The following ANKRD44 variants were observed in gnomAD, a reference collection of about 807,000 sequenced individuals.
The protein encoded by ANKRD44 is ankyrin repeat domain 44.
A neutral mutation model predicts 116.0 loss-of-function variants in ANKRD44; 35 were observed. That is an observed-to-expected ratio of 0.30 (90% CI 0.23 to 0.40). The LOEUF (loss-of-function observed/expected upper bound fraction) is 0.40, where lower values mean the gene tolerates loss of function less well. Ranked by LOEUF, ANKRD44 falls within the 10% of genes least tolerant of loss-of-function variation. The pLI is 1.00. For missense variants in ANKRD44, 1,014 were observed against 1,242.6 expected (o/e 0.82, Z 2.77); for synonymous variants, 435 against 461.8 (o/e 0.94, Z 0.74).
At chr2:197,119,636 AT>A (rs1268548486) in intron 8 of ANKRD44, among the ~76,000 whole-genome samples, 2 of 152,316 alleles carry the variant, frequency 1.3e-5, no homozygotes, top group African/African-American at 2.4e-5. Flanking sequence ...TTGTGAAAAA[AT>A]ATAAGATTTT....
chr2:197,021,571 T>A (rs928524481), intron 17 of ANKRD44, among the ~76,000 whole-genome samples: 15 of 152,258 alleles, frequency 9.9e-5, no homozygotes, highest in Non-Finnish European at 2.1e-4. Flanking sequence ...GCATTTTTCA[T>A]GTGTCTATTG....
chr2:197,081,091 C>T (rs2077783789), intron 15 of ANKRD44, among the ~76,000 whole-genome samples: 1 of 152,168 alleles, frequency 6.6e-6, no homozygotes, highest in South Asian at 2.1e-4. Flanking sequence ...CCCACCCCTG[C>T]CACAGCAAAG....
rs1303041734 is a variant in ANKRD44, at chr2:197,273,974, AAAAAAAATATATATATATAT to A, written c.27+36584_27+36603del. 2.4e-4 allele frequency among the ~76,000 whole-genome samples: 8 copies of A among 33,654 alleles called. 2 individuals are homozygous for A. Among genetic ancestry groups the A allele is most frequent in the Non-Finnish European group, 5.2e-4 (8 of 15,348 alleles). 22.1% of individuals were successfully genotyped at this position (33,654 alleles called of 152,430 possible). A position where few individuals can be genotyped will look rare whatever the true frequency, so the allele number is the denominator to read the frequency against. Reference sequence around the variant, plus strand: ...TCAACCAACCACAAAAAAAAAAAAAAAAAAAAATATATATATATATATATATATATATATATATATATATA... The same window carrying A: ...TCAACCAACCACAAAAAAAAAAAAAAATATATATATATATATATATATATA... On this transcript the variant is annotated intron_variant, in intron 1 of 27. Transcript: ENST00000282272.
At chr2:197,001,462 T>C (rs1404130626) in intron 22 of ANKRD44, among the ~76,000 whole-genome samples, 1 of 152,254 alleles carries the variant, frequency 6.6e-6, no homozygotes, top group Non-Finnish European at 1.5e-5. Context: ...GGCAGACAAA[T>C]GTGAGTTATA....
intron 1 of ANKRD44, among the ~76,000 whole-genome samples, chr2:197,196,791 G>C (rs551902072): frequency 2.6e-5 from 4 of 152,226 alleles, no homozygotes; most frequent in South Asian, 2.1e-4. Flanking sequence ...TCTTTCCAAA[G>C]CCCATGACAA....
rs148320804 is a variant in ANKRD44 at position 196,976,101 on chromosome 2, G to A, written c.2369-8655C>T. On this transcript the variant is annotated intron_variant, in intron 21 of 21. Coordinates refer to the ANKRD44 transcript ENST00000424317. ...GAAAAAATTTCTTCAAACTGATCAG[G>A]GACATTTGTGAAAAACCCATGGTAA... Among the ~76,000 whole-genome samples, 510 of 151,834 alleles carry A rather than the reference G, an allele frequency of 3.4e-3. 2 individuals are homozygous for A. The highest frequency in any genetic ancestry group is 0.011 in the African/African-American group (475 of 41,392).
At chr2:197,296,794 T>C (rs1204279352) in intron 1 of ANKRD44, among the ~76,000 whole-genome samples, 1 of 152,216 alleles carries the variant, frequency 6.6e-6, no homozygotes, top group African/African-American at 2.4e-5. Flanking sequence ...CATTCTATAG[T>C]TTTAAAAGGG....
At chr2:197,087,357 A>T (rs1396715765) in intron 12 of ANKRD44, among the ~76,000 whole-genome samples, 1 of 152,220 alleles carries the variant, frequency 6.6e-6, no homozygotes, top group Non-Finnish European at 1.5e-5. Flanking sequence ...GCAATAAATC[A>T]TATTTAGTAG....
chr2:197,186,444 C>A (rs981096446), intron 2 of ANKRD44, among the ~76,000 whole-genome samples: 2 of 151,746 alleles, frequency 1.3e-5, no homozygotes, highest in African/African-American at 4.8e-5. Flanking sequence ...ACTCTTAGAT[C>A]TTCTGCTGTA....
chr2:197,243,383 CA>C (rs111433595), intron 1 of ANKRD44, among the ~76,000 whole-genome samples: 210 of 142,330 alleles, frequency 1.5e-3, no homozygotes, highest in African/African-American at 1.7e-3. Context: ...AGCTTTAGGA[CA>C]AAAAAAAAAA....
chr2:197,254,765 C>CAT (rs58681709), intron 1 of ANKRD44, among the ~76,000 whole-genome samples: 3 of 151,594 alleles, frequency 2.0e-5, no homozygotes, highest in East Asian at 1.9e-4. Context: ...CACACACACA[C>CAT]ATATATATAT....
chr2:197,191,574 A>G (rs192942265), intron 1 of ANKRD44, among the ~76,000 whole-genome samples: 2 of 152,308 alleles, frequency 1.3e-5, no homozygotes, highest in Admixed American at 6.5e-5. Flanking sequence ...TAAAATGCTA[A>G]ATCAAATATG....
chr2:196,967,573 A>G (rs979154618), intron 21 of ANKRD44: 1 of 373,176 alleles, frequency 2.7e-6, no homozygotes, highest in Non-Finnish European at 5.5e-6. Context: ...GGGAATGCTC[A>G]AGTAAGGAAA....
Position 197,000,556 on chromosome 2 carries a change from C to T in ANKRD44, c.2436-54G>A. 4 of 1,364,474 alleles carry T rather than the reference C, an allele frequency of 2.9e-6. No individual in the cohort carries two copies. The South Asian group carries it at 4.7e-5, about 16-fold the overall frequency. 84.5% of individuals were successfully genotyped at this position (1,364,474 alleles called of 1,614,324 possible). A position where few individuals can be genotyped will look rare whatever the true frequency, so the allele number is the denominator to read the frequency against. ...AATCTCACTCTTTTAAATTATATCA[C>T]CTCCTAACCCATCTTCCTATGTACT... On this transcript the variant is annotated intron_variant, in intron 22 of 27. Coordinates refer to ENST00000282272, the MANE Select transcript of ANKRD44 (RefSeq NM_001195144.2).
rs879398505 is a variant in ANKRD44, at chr2:197,047,912, G to GA, written c.1651-22646dup. Reference sequence around the variant, plus strand: ...GCAACACAGTGAGACTCCGCAAAAAGAAAAAAAAAAAAAAGTGTTGGTGGA... The same window carrying GA: ...GCAACACAGTGAGACTCCGCAAAAAGAAAAAAAAAAAAAAAGTGTTGGTGGA... On this transcript the variant is annotated intron_variant, in intron 16 of 27. Transcript: ENST00000282272. Among the ~76,000 whole-genome samples, 134 of 122,822 alleles carry GA rather than the reference G, an allele frequency of 1.1e-3. 1 individual carries two copies. The highest frequency in any genetic ancestry group is 6.5e-3 in the East Asian group (27 of 4,180). 80.6% of individuals were successfully genotyped at this position (122,822 alleles called of 152,430 possible).
chr2:197,242,185 T>G (rs2082104397), intron 1 of ANKRD44, among the ~76,000 whole-genome samples: 1 of 152,194 alleles, frequency 6.6e-6, no homozygotes, highest in Admixed American at 6.5e-5. Flanking sequence ...GACTAGTTTA[T>G]TTTAGTAGCT....
chr2:197,039,512 C>A (rs1243121738), intron 16 of ANKRD44, among the ~76,000 whole-genome samples: 2 of 152,186 alleles, frequency 1.3e-5, no homozygotes, highest in African/African-American at 4.8e-5. Flanking sequence ...TAGACCATAC[C>A]TATTTAACTT....
chr2:197,032,538 G>A (rs2076727432), intron 16 of ANKRD44, among the ~76,000 whole-genome samples: 2 of 151,918 alleles, frequency 1.3e-5, no homozygotes, highest in Admixed American at 1.3e-4. Context: ...ACAGGCACCC[G>A]CCACCACGCC....
rs529089522 is a variant in ANKRD44, at chr2:197,095,193, A to AT, written c.1100+4622dup. On this transcript the variant is annotated intron_variant, in intron 10 of 27. Coordinates refer to ENST00000282272, the MANE Select transcript of ANKRD44 (RefSeq NM_001195144.2). The stretch of plus-strand genomic sequence containing the variant: ...AATCTAAAACAACTGGCATAAAAGC[A>AT]TTTTTTTTGACTCATCGGAGTGGCC... Among the ~76,000 whole-genome samples the AT allele has an allele frequency of 1.4e-3, 209 of 152,122 alleles. 1 individual carries two copies. Among genetic ancestry groups the AT allele is most frequent in the Non-Finnish European group, 2.2e-3 (148 of 67,962 alleles).
Sources: allele counts gnomAD v4.1 joint callset (sites outside exome capture counted in the v4.1 genomes callset), GRCh38; gene constraint gnomAD v4.1.1; transcripts MANE v1.5; gene names NCBI Gene and HGNC (gene_info 2026-07-23, HGNC 2026-07-21).